The following B3GALT1 variants were observed in gnomAD, a reference collection of about 807,000 sequenced individuals.
The protein encoded by B3GALT1 is beta-1,3-galactosyltransferase 1.
B3GALT1 carries 10 observed loss-of-function variants against 23.2 expected under a neutral mutation model. That is an observed-to-expected ratio of 0.43 (90% CI 0.27 to 0.73). The LOEUF is 0.73. Ranked by LOEUF, B3GALT1 falls within the 30% of genes least tolerant of loss-of-function variation. B3GALT1 has a pLI of 0.21. For synonymous variants in B3GALT1, 156 were observed against 141.5 expected, an observed-to-expected ratio of 1.10 and a Z score of -0.73; for missense variants, 299 against 405.4, an observed-to-expected ratio of 0.74 and a Z score of 2.25.
intron 2 of B3GALT1, among the ~76,000 whole-genome samples, chr2:167,496,888 C>T (rs565474832): frequency 1.3e-5 from 2 of 152,174 alleles, no homozygotes; most frequent in Non-Finnish European, 2.9e-5. Context: ...CCCAACCATG[C>T]TGGCACCCTG....
At chr2:167,360,067 A>C (rs1390916727) in intron 1 of B3GALT1, among the ~76,000 whole-genome samples, 1 of 152,192 alleles carries the variant, frequency 6.6e-6, no homozygotes, top group African/African-American at 2.4e-5. Context: ...GGTTGAAAAC[A>C]TCCAGACAGT....
chr2:167,867,576 G>C (rs954213483), intron 4 of B3GALT1, among the ~76,000 whole-genome samples: 3 of 152,102 alleles, frequency 2.0e-5, no homozygotes, highest in Non-Finnish European at 4.4e-5. Context: ...TGTTCACATC[G>C]TGTATTTTTA....
intron 3 of B3GALT1, among the ~76,000 whole-genome samples, chr2:167,674,073 TGG>T (rs1185221642): frequency 6.6e-6 from 1 of 152,100 alleles, no homozygotes. Context: ...TTGCAACAAG[TGG>T]TCTCAGGATC....
At chr2:167,456,813 C>G (rs1378053244) in intron 1 of B3GALT1, among the ~76,000 whole-genome samples, 1 of 152,184 alleles carries the variant, frequency 6.6e-6, no homozygotes, top group African/African-American at 2.4e-5. Context: ...ACCATCCTCT[C>G]AAGATCTCCA....
intron 3 of B3GALT1, among the ~76,000 whole-genome samples, chr2:167,813,648 T>G (rs1304854728): frequency 1.3e-5 from 2 of 152,228 alleles, no homozygotes; most frequent in Non-Finnish European, 2.9e-5. Context: ...AATCTGTGCC[T>G]GTCAAATCTT....
intron 3 of B3GALT1, among the ~76,000 whole-genome samples, chr2:167,678,129 A>T (rs1558946498): frequency 6.6e-6 from 1 of 152,142 alleles, no homozygotes; most frequent in African/African-American, 2.4e-5. Context: ...CCCACCTTCT[A>T]TCTGCTCTCT....
chr2:167,383,267 G>C (rs1270519036), intron 1 of B3GALT1, among the ~76,000 whole-genome samples: 1 of 151,472 alleles, frequency 6.6e-6, no homozygotes, highest in Admixed American at 6.6e-5. Flanking sequence ...AGGGGTAATA[G>C]TGATTCAATT....
chr2:167,852,967 T>C (rs1689933290), intron 4 of B3GALT1, among the ~76,000 whole-genome samples: 1 of 152,186 alleles, frequency 6.6e-6, no homozygotes. Flanking sequence ...TAAAACCAGA[T>C]TAAATCTTTG....
At chr2:167,465,321 AT>A (rs1699328063) in intron 1 of B3GALT1, among the ~76,000 whole-genome samples, 1 of 152,166 alleles carries the variant, frequency 6.6e-6, no homozygotes, top group South Asian at 2.1e-4. Context: ...CATCAAACAT[AT>A]TGTCTCAGTC....
intron 1 of B3GALT1, among the ~76,000 whole-genome samples, chr2:167,362,313 T>C (rs954304157): frequency 6.6e-6 from 1 of 152,304 alleles, no homozygotes; most frequent in East Asian, 1.9e-4. Flanking sequence ...CCATGAAATA[T>C]ATGTATACAT....
At chr2:167,407,858 C>T (rs1169714268) in intron 1 of B3GALT1, among the ~76,000 whole-genome samples, 1 of 151,974 alleles carries the variant, frequency 6.6e-6, no homozygotes, top group Non-Finnish European at 1.5e-5. Context: ...TAAAGAAAAG[C>T]CCAGGACCTG....
intron 3 of B3GALT1, among the ~76,000 whole-genome samples, chr2:167,808,619 T>A (rs1688812401): frequency 6.6e-6 from 1 of 151,702 alleles, no homozygotes; most frequent in South Asian, 2.1e-4. Flanking sequence ...GCCCCCACTC[T>A]CTTCTGGCTT....
intron 1 of B3GALT1, among the ~76,000 whole-genome samples, chr2:167,373,242 A>G (rs1273353671): frequency 1.3e-5 from 2 of 152,142 alleles, no homozygotes; most frequent in African/African-American, 4.8e-5. Context: ...TTATAAACCT[A>G]ATTTTAAAAA....
intron 3 of B3GALT1, among the ~76,000 whole-genome samples, chr2:167,661,620 A>G (rs1686061669): frequency 6.6e-6 from 1 of 152,112 alleles, no homozygotes; most frequent in Admixed American, 6.6e-5. Context: ...AGTGACAACC[A>G]AAAATATCTC....
chr2:167,500,102 T>C (rs1559114704), intron 2 of B3GALT1, among the ~76,000 whole-genome samples: 1 of 152,070 alleles, frequency 6.6e-6, no homozygotes, highest in Non-Finnish European at 1.5e-5. Context: ...GAGAAAAACA[T>C]CCAGTTAATG....
At chr2:167,740,904 C>T (rs1156480559) in intron 3 of B3GALT1, among the ~76,000 whole-genome samples, 1 of 152,170 alleles carries the variant, frequency 6.6e-6, no homozygotes, top group African/African-American at 2.4e-5. Context: ...GGGCCCACTT[C>T]AGCTGGTAAA....
intron 1 of B3GALT1, among the ~76,000 whole-genome samples, chr2:167,389,413 TGG>T (rs1308909203): frequency 6.6e-6 from 1 of 152,172 alleles, no homozygotes; most frequent in Non-Finnish European, 1.5e-5. Context: ...CATTTCAATG[TGG>T]GTATGAGTAA....
intron 3 of B3GALT1, among the ~76,000 whole-genome samples, chr2:167,739,398 A>G (rs1687541594): frequency 6.6e-6 from 1 of 152,192 alleles, no homozygotes; most frequent in Non-Finnish European, 1.5e-5. Flanking sequence ...GAGGGTGGAT[A>G]GAAATGGGAA....
intron 1 of B3GALT1, among the ~76,000 whole-genome samples, chr2:167,477,294 G>C (rs968283905): frequency 1.3e-5 from 2 of 152,120 alleles, no homozygotes; most frequent in African/African-American, 4.8e-5. Context: ...TGACACCCTT[G>C]GGGTAATGTG....
Sources: gnomAD v4.1 joint callset for allele counts (sites outside exome capture counted in the v4.1 genomes callset) on GRCh38, gnomAD v4.1.1 for gene constraint, MANE v1.5 for transcripts, NCBI Gene and HGNC (gene_info 2026-07-23, HGNC 2026-07-21) for gene names.